Variants in HPSE observed in about 807,000 individuals in gnomAD.
HPSE encodes the protein heparanase.
HPSE carries 48 observed loss-of-function variants against 65.1 expected under a neutral mutation model. The observed-to-expected ratio is 0.74, with a 90% CI of 0.58 to 0.94. The LOEUF (loss-of-function observed/expected upper bound fraction) is 0.94. Ranked by LOEUF, HPSE falls within the 40% of genes least tolerant of loss-of-function variation. HPSE has a pLI of 0.00. For synonymous variants in HPSE, 243 were observed against 260.0 expected (o/e 0.93, Z 0.63); for missense variants, 644 against 637.5 (o/e 1.01, Z -0.11).
intron 3 of HPSE, among the ~76,000 whole-genome samples, chr4:83,316,306 C>T (rs1319021714): frequency 1.3e-5 from 2 of 150,322 alleles, no homozygotes; most frequent in Non-Finnish European, 3.0e-5. Flanking sequence ...GGATTACAGG[C>T]GTGAGCCACC....
chr4:83,318,333 A>C (rs1462299631), intron 3 of HPSE, among the ~76,000 whole-genome samples: 2 of 152,102 alleles, frequency 1.3e-5, no homozygotes, highest in Non-Finnish European at 2.9e-5. Flanking sequence ...CATAGTTAAA[A>C]AAGGATTGTG....
chr4:83,303,998 G>A (rs1256779251), intron 9 of HPSE, among the ~76,000 whole-genome samples: 1 of 121,110 alleles, frequency 8.3e-6, no homozygotes, highest in Non-Finnish European at 1.8e-5. Flanking sequence ...ATGGACCTCT[G>A]TAACAAGACA....
chr4:83,297,057 C>A (rs1735757603), intron 11 of HPSE, among the ~76,000 whole-genome samples: 1 of 152,128 alleles, frequency 6.6e-6, no homozygotes, highest in South Asian at 2.1e-4. Context: ...TGTAGCACAA[C>A]ACATTAGTTT....
chr4:83,312,841 CA>C (rs1200808673), intron 4 of HPSE, among the ~76,000 whole-genome samples: 135 of 10,988 alleles, frequency 0.012, no homozygotes, highest in African/African-American at 0.032. Flanking sequence ...ACTAAAAATG[CA>C]AAAAAAAAAA....
chr4:83,323,125 ACAGTAAAAAGAT>A (rs763899889), intron 1 of HPSE, among the ~76,000 whole-genome samples: 1 of 152,110 alleles, frequency 6.6e-6, no homozygotes, highest in Non-Finnish European at 1.5e-5. Context: ...AAACTATGGG[ACAGTAAAAAGAT>A]CAGCGGTTAC....
intron 1 of HPSE, among the ~76,000 whole-genome samples, chr4:83,325,470 C>T (rs770079981): frequency 7.2e-5 from 11 of 152,158 alleles, no homozygotes; most frequent in South Asian, 2.1e-4. Flanking sequence ...CTGGCCTGTG[C>T]GTCTGTTTTA....
chr4:83,325,138 T>C (rs1184579498), intron 1 of HPSE, among the ~76,000 whole-genome samples: 1 of 71,200 alleles, frequency 1.4e-5, no homozygotes, highest in Non-Finnish European at 2.6e-5. Flanking sequence ...TTGGTGTGTG[T>C]GTGTGTGTGT....
At chr4:83,306,617 T>C (rs748750728) in intron 8 of HPSE, among the ~76,000 whole-genome samples, 1 of 152,148 alleles carries the variant, frequency 6.6e-6, no homozygotes, top group Non-Finnish European at 1.5e-5. Context: ...TCAGACCTCA[T>C]TGACTCCATC....
chr4:83,303,474 T>C (rs552135518), intron 9 of HPSE, among the ~76,000 whole-genome samples: 1 of 152,230 alleles, frequency 6.6e-6, no homozygotes. Flanking sequence ...GACAAAATAT[T>C]TGGTGATACT....
intron 2 of HPSE, 151 bp from the exon 3 acceptor site, chr4:83,319,620 T>C: frequency 2.6e-6 from 2 of 764,060 alleles, no homozygotes; most frequent in Non-Finnish European, 4.0e-6. Flanking sequence ...GTATATTCTG[T>C]AACACATGTC....
intron 9 of HPSE, among the ~76,000 whole-genome samples, chr4:83,303,683 G>T (rs987612137): frequency 1.8e-4 from 27 of 152,140 alleles, no homozygotes; most frequent in Non-Finnish European, 5.9e-5. Context: ...TCATGTAGCT[G>T]GGACCACAGG....
At chr4:83,328,298 A>G (rs182475944) in intron 1 of HPSE, among the ~76,000 whole-genome samples, 151 of 152,286 alleles carry the variant, frequency 9.9e-4, no homozygotes, top group Non-Finnish European at 1.7e-3. Flanking sequence ...CTAAGTTCCC[A>G]TAGCTTTTTG....
At chr4:83,334,930 C>A, upstream of HPSE, 2 of 1,262,906 alleles carry the variant, frequency 1.6e-6, no homozygotes, top group Non-Finnish European at 2.1e-6. Context: ...CGCCCTCCAT[C>A]CCTCCCACTC....
intron 8 of HPSE, among the ~76,000 whole-genome samples, chr4:83,308,547 T>G (rs1256981240): frequency 6.6e-6 from 1 of 152,236 alleles, no homozygotes; most frequent in Non-Finnish European, 1.5e-5. Flanking sequence ...TCCGGCTATA[T>G]GCATTCTTTT....
In HPSE at chr4:83,313,206, G is replaced by A. The variant is rs1177469479; in HGVS notation, c.581C>T (p.Thr194Ile). ...AGAACTGTTCCACTGCAAATCTGCT[G>A]TTCTTAATAACGCATTTAGGCCAAA... Reference protein sequence around the residue: ...LIFGLNALLRTADLQWNSSNA... With the variant: ...LIFGLNALLRIADLQWNSSNA... The change falls in exon 4 of 12, where the codon ACA becomes ATA. Residue 194 changes from threonine (T) to isoleucine (I), a missense_variant. Physicochemically the swap from Thr to Ile is moderately conservative, Grantham distance 89. Coordinates refer to ENST00000311412, the MANE Select transcript of HPSE (RefSeq NM_001098540.3). 5 of 1,613,652 alleles carry A rather than the reference G, an allele frequency of 3.1e-6. No homozygotes were observed. Among genetic ancestry groups the A allele is most frequent in the Non-Finnish European group, 4.2e-6 (5 of 1,179,794 alleles).
chr4:83,310,481 C>T (rs954452040), intron 5 of HPSE, among the ~76,000 whole-genome samples: 2 of 151,766 alleles, frequency 1.3e-5, no homozygotes, highest in Admixed American at 6.6e-5. Context: ...CCAGCCTGGG[C>T]AACACAGGGA....
intron 9 of HPSE, among the ~76,000 whole-genome samples, chr4:83,305,664 T>G (rs1436206064): frequency 6.6e-6 from 1 of 152,220 alleles, no homozygotes; most frequent in South Asian, 2.1e-4. Context: ...GGAAGAAACA[T>G]TTCCTGATTT....
chr4:83,309,171 C>T (rs1263855395), intron 7 of HPSE, among the ~76,000 whole-genome samples: 4 of 152,152 alleles, frequency 2.6e-5, no homozygotes, highest in African/African-American at 7.2e-5. Context: ...CCATTCTTAT[C>T]ATCTATGTGA....
intron 1 of HPSE, 112 bp from the exon 2 acceptor site, chr4:83,322,476 G>A (rs2126194972): frequency 1.2e-6 from 1 of 823,854 alleles, no homozygotes. Context: ...TCCCTGTGCA[G>A]GACTTAGAGG....
Sources: allele counts gnomAD v4.1 joint callset (sites outside exome capture counted in the v4.1 genomes callset), GRCh38; gene constraint gnomAD v4.1.1; transcripts MANE v1.5; gene names NCBI Gene and HGNC (gene_info 2026-07-23, HGNC 2026-07-21).